PCDHGA5: variants seen among roughly 807,000 people sequenced by gnomAD.
The protein encoded by PCDHGA5 is protocadherin gamma subfamily A, 5, also known as protocadherin gamma-A5.
Under a neutral mutation model 56.7 loss-of-function variants are expected in PCDHGA5, and 36 were observed. The observed-to-expected ratio is 0.64, with a 90% CI of 0.49 to 0.84. The LOEUF (loss-of-function observed/expected upper bound fraction) is 0.84. PCDHGA5 is among the 40% of genes least tolerant of loss of function. The pLI, the probability that PCDHGA5 is intolerant of heterozygous loss-of-function variation, is 0.00. For missense variants in PCDHGA5, 1,305 were observed against 1,201.5 expected, an observed-to-expected ratio of 1.09 and a Z score of -1.27; for synonymous variants, 563 against 520.2, an observed-to-expected ratio of 1.08 and a Z score of -1.12.
chr5:141,415,026 G>T, intron 1 of PCDHGA5: 2 of 1,613,590 alleles, frequency 1.2e-6, no homozygotes, highest in Non-Finnish European at 1.7e-6. Context: ...AGGCCAGCGA[G>T]CCGGGACTCT....
chr5:141,487,749 A>G lies in PCDHGA5; in HGVS notation c.2422-7058A>G, dbSNP rs574710316. 3.9e-5 allele frequency: 60 copies of G among 1,557,180 alleles called. No homozygotes were observed. The African/African-American group carries it at 5.6e-4, about 14-fold the overall frequency. ...GTCACCATTTTTGTAAGAGGTAACT[A>G]TGTGGTAGACGCTGTGCTTTGTAAC... is the stretch of plus-strand genomic sequence containing the variant. On this transcript the variant is annotated intron_variant, in intron 1 of 3. Coordinates refer to ENST00000518069, the MANE Select transcript of PCDHGA5 (RefSeq NM_018918.3). The surrounding 1 kb of genome is among the most constrained non-coding windows in gnomAD (Gnocchi z 5.0).
intron 1 of PCDHGA5, chr5:141,413,874 T>C: frequency 6.2e-7 from 1 of 1,613,424 alleles, no homozygotes; most frequent in Non-Finnish European, 8.5e-7. Context: ...TCCTTGTCAG[T>C]GTGACTGTCT....
At position 141,431,438 on chromosome 5, in the gene PCDHGA5, C is replaced by G. The variant is rs773812765; in HGVS notation, c.2422-63369C>G. The G allele has an allele frequency of 3.9e-5, 63 of 1,613,612 alleles. No homozygotes were observed. In the East Asian group the frequency reaches 1.4e-3, roughly 35 times the overall value. ...CGACCCGGTGCGCACAGGCACCGCG[C>G]GCATCCGCGTGATGGTTCTGGATGC... is the stretch of plus-strand genomic sequence containing the variant. On this transcript the variant is annotated intron_variant, in intron 1 of 3. Coordinates refer to ENST00000518069, the MANE Select transcript of PCDHGA5 (RefSeq NM_018918.3). The surrounding 1 kb of genome is among the most constrained non-coding windows in gnomAD (Gnocchi z 4.8).
At chr5:141,392,665 T>C (rs1169450587) in intron 1 of PCDHGA5, 3 of 818,380 alleles carry the variant, frequency 3.7e-6, no homozygotes, top group Non-Finnish European at 5.4e-6. Context: ...TGCCACAAAC[T>C]AACTGCTGGA....
intron 1 of PCDHGA5, among the ~76,000 whole-genome samples, chr5:141,381,826 CTTTTTTTTTTTTTT>C (rs770630741): frequency 1.3e-5 from 1 of 74,284 alleles, no homozygotes; most frequent in Non-Finnish European, 2.4e-5. Context: ...CTTTCTTCTT[CTTTTTTTTTTTTTT>C]TTTTTTTTGG....
At chr5:141,420,061 G>A (rs376044810) in intron 1 of PCDHGA5, 3 of 1,613,958 alleles carry the variant, frequency 1.9e-6, no homozygotes, top group Non-Finnish European at 2.5e-6. Flanking sequence ...TCTGCTCCAA[G>A]TCCGGACCTG....
intron 1 of PCDHGA5, among the ~76,000 whole-genome samples, chr5:141,444,150 GGA>G (rs1471930589): frequency 1.6e-4 from 18 of 114,012 alleles, no homozygotes; most frequent in Non-Finnish European, 2.3e-4. Context: ...TGTGTGTACT[GGA>G]TTTTTTTTTT....
At chr5:141,458,080 C>T (rs62379190) in intron 1 of PCDHGA5, among the ~76,000 whole-genome samples, 5,138 of 152,230 alleles carry the variant, frequency 0.034, 100 homozygotes, top group Middle Eastern at 0.088. Flanking sequence ...ACTATATTGC[C>T]GTAAGTTAAG....
intron 1 of PCDHGA5, chr5:141,372,225 G>A (rs1326941167): frequency 6.8e-6 from 11 of 1,613,368 alleles, no homozygotes; most frequent in Non-Finnish European, 9.3e-6. Context: ...CATTGTGCAG[G>A]CCAGCGAGCC....
At chr5:141,406,177 A>G (rs929841923) in intron 1 of PCDHGA5, among the ~76,000 whole-genome samples, 2 of 151,308 alleles carry the variant, frequency 1.3e-5, no homozygotes. Flanking sequence ...GGCTTATGCA[A>G]TCCTCCCACC....
chr5:141,386,056 A>C (rs2090445356), intron 1 of PCDHGA5: 1 of 152,214 alleles, frequency 6.6e-6, no homozygotes, highest in South Asian at 2.1e-4. Flanking sequence ...TTTAACAGAG[A>C]ATTCCAGTAT....
At chr5:141,445,553 A>G (rs948468877) in intron 1 of PCDHGA5, among the ~76,000 whole-genome samples, 1 of 152,252 alleles carries the variant, frequency 6.6e-6, no homozygotes, top group Non-Finnish European at 1.5e-5. Context: ...ATACAAAAGC[A>G]CTAAGAGAAA....
In PCDHGA5 at chr5:141,430,181, T is replaced by A. The variant is rs561671481; in HGVS notation, c.2421+63430T>A. ...TCTATTTAAAAATATTTTCCCCAAA[T>A]TATAGCTGAATCAGAAAGTTTAAAT... On this transcript the variant is annotated intron_variant, in intron 1 of 3. Transcript: ENST00000518069. 2.0e-5 allele frequency among the ~76,000 whole-genome samples: 3 copies of A among 152,252 alleles called. No homozygotes were observed. The South Asian group carries it at 6.2e-4, about 32-fold the overall frequency.
intron 1 of PCDHGA5, chr5:141,384,001 C>G (rs1561599904): frequency 6.2e-7 from 1 of 1,613,828 alleles, no homozygotes. Context: ...AGTCATTGCT[C>G]TTTTCTACCT....
intron 1 of PCDHGA5, chr5:141,384,141 ACT>A (rs765902130): frequency 2.4e-5 from 38 of 1,612,656 alleles, no homozygotes; most frequent in Admixed American, 1.8e-4. Context: ...ACCGGGAAAC[ACT>A]CTCTTTGTAT....
chr5:141,449,095 T>C (rs2098628347), intron 1 of PCDHGA5, among the ~76,000 whole-genome samples: 1 of 152,204 alleles, frequency 6.6e-6, no homozygotes. Flanking sequence ...AGTTTTTACA[T>C]ATGCAGTATA....
chr5:141,461,647 C>T (rs1242234255), intron 1 of PCDHGA5, among the ~76,000 whole-genome samples: 3 of 152,006 alleles, frequency 2.0e-5, no homozygotes, highest in Non-Finnish European at 4.4e-5. Context: ...TTCTTTGACC[C>T]ATGGATTATT....
rs1409333356 is a variant in PCDHGA5 at position 141,418,996 on chromosome 5, T to C, written c.2421+52245T>C. On this transcript the variant is annotated intron_variant, in intron 1 of 3. Coordinates refer to ENST00000518069, the MANE Select transcript of PCDHGA5 (RefSeq NM_018918.3). ...CACGGGACCAAGACTCAGGGGAAAATGGGGAAGTCAGGTGTAGCTTAAGTA... is the reference window on the plus strand; with the variant it reads ...CACGGGACCAAGACTCAGGGGAAAACGGGGAAGTCAGGTGTAGCTTAAGTA... 3.3e-5 allele frequency: 54 copies of C among 1,613,756 alleles called. 1 individual carries two copies. The East Asian group carries it at 1.0e-3, about 30-fold the overall frequency.
At chr5:141,410,631 C>A (rs1227907799) in intron 1 of PCDHGA5, 1 of 1,600,936 alleles carries the variant, frequency 6.2e-7, no homozygotes, top group East Asian at 2.2e-5. Context: ...GTGAGTTTCT[C>A]TTTTTTGTGT....
Sources: allele counts gnomAD v4.1 joint callset (sites outside exome capture counted in the v4.1 genomes callset), GRCh38; gene constraint gnomAD v4.1.1; non-coding constraint Gnocchi (gnomAD v3.1); transcripts MANE v1.5; gene names NCBI Gene and HGNC (gene_info 2026-07-23, HGNC 2026-07-21).